ANGPT1: variants seen among roughly 807,000 people sequenced by gnomAD.
ANGPT1 encodes angiopoietin 1, also known as angiopoietin-1.
ANGPT1 carries 17 observed loss-of-function variants against 62.2 expected under a neutral mutation model. The ratio of observed to expected loss-of-function variants is 0.27; its 90% confidence interval spans 0.19 to 0.41. The LOEUF is 0.41. Ranked by LOEUF, ANGPT1 falls within the 10% of genes least tolerant of loss-of-function variation. The pLI is 1.00. For missense variants in ANGPT1, 478 were observed against 594.9 expected, an observed-to-expected ratio of 0.80 and a Z score of 2.04; for synonymous variants, 199 against 198.9, an observed-to-expected ratio of 1.00 and a Z score of 0.00.
chr8:107,484,397 C>T (rs754884162), intron 1 of ANGPT1, among the ~76,000 whole-genome samples: 7 of 151,918 alleles, frequency 4.6e-5, no homozygotes, highest in African/African-American at 4.8e-5. Context: ...TTTAAAAAAT[C>T]ATTATTTTTT....
chr8:107,306,439 T>C lies in ANGPT1; in HGVS notation c.809-3072A>G, dbSNP rs184198779. On this transcript the variant is annotated intron_variant, in intron 4 of 8. Transcript: ENST00000517746. ...CTAAATAGTTAAGATTTAAAGATTATTTCAGATGAAATTATAAACGATTTA... is the reference window on the plus strand; with the variant it reads ...CTAAATAGTTAAGATTTAAAGATTACTTCAGATGAAATTATAAACGATTTA... Among the ~76,000 whole-genome samples, 14 of 152,260 alleles carry C rather than the reference T, an allele frequency of 9.2e-5. No homozygotes were observed. The South Asian group carries it at 2.3e-3, about 25-fold the overall frequency.
At chr8:107,398,242 T>C (rs1328939991) in intron 1 of ANGPT1, among the ~76,000 whole-genome samples, 2 of 152,218 alleles carry the variant, frequency 1.3e-5, no homozygotes, top group Non-Finnish European at 2.9e-5. Context: ...TTGAAAATTG[T>C]AAGTTTTAGA....
chr8:107,437,739 A>C (rs1196207700), intron 1 of ANGPT1, among the ~76,000 whole-genome samples: 1 of 152,202 alleles, frequency 6.6e-6, no homozygotes, highest in Non-Finnish European at 1.5e-5. Flanking sequence ...ACAACTCATC[A>C]GGAATCATAG....
chr8:107,384,829 T>C (rs2130285200), intron 1 of ANGPT1, among the ~76,000 whole-genome samples: 1 of 152,256 alleles, frequency 6.6e-6, no homozygotes, highest in Non-Finnish European at 1.5e-5. Context: ...GTTTCAATCT[T>C]CTACATATGG....
At chr8:107,405,184 A>G (rs997427248) in intron 1 of ANGPT1, among the ~76,000 whole-genome samples, 4 of 151,946 alleles carry the variant, frequency 2.6e-5, no homozygotes, top group Non-Finnish European at 5.9e-5. Context: ...ATTCTATTAT[A>G]TGCAATTATA....
chr8:107,287,225 C>G (rs1814162807), intron 6 of ANGPT1, among the ~76,000 whole-genome samples: 1 of 152,126 alleles, frequency 6.6e-6, no homozygotes, highest in Admixed American at 6.5e-5. Flanking sequence ...ATAAAACTCT[C>G]CAACTTCCCC....
chr8:107,410,268 C>T (rs149281956), intron 1 of ANGPT1, among the ~76,000 whole-genome samples: 158 of 152,322 alleles, frequency 1.0e-3, no homozygotes, highest in African/African-American at 3.5e-3. Flanking sequence ...AACCTTTTAA[C>T]GCTCTAACCC....
At position 107,476,375 on chromosome 8, in the gene ANGPT1, A is replaced by G. The variant is rs184275034; in HGVS notation, c.297+20887T>C. Among the ~76,000 whole-genome samples, 353 of 152,266 alleles carry G rather than the reference A, an allele frequency of 2.3e-3. 1 individual carries two copies. Among genetic ancestry groups the G allele is most frequent in the African/African-American group, 8.2e-3 (342 of 41,534 alleles). On this transcript the variant is annotated intron_variant, in intron 1 of 8. Transcript: ENST00000517746. ...CCGCATATTCTCACTCATAGGTGGGAAATGAACAATGAGAACACTTGGGCA... is the reference window on the plus strand; with the variant it reads ...CCGCATATTCTCACTCATAGGTGGGGAATGAACAATGAGAACACTTGGGCA...
At chr8:107,335,790 T>C (rs1815544135) in intron 3 of ANGPT1, among the ~76,000 whole-genome samples, 2 of 152,218 alleles carry the variant, frequency 1.3e-5, no homozygotes, top group East Asian at 1.9e-4. Context: ...AGAGGCTCTA[T>C]TCTCTGTTGT....
chr8:107,419,781 A>G (rs1460822201), intron 1 of ANGPT1, among the ~76,000 whole-genome samples: 1 of 152,280 alleles, frequency 6.6e-6, no homozygotes, highest in East Asian at 1.9e-4. Context: ...GCTTTGGGTT[A>G]TCTCAAAGCT....
At chr8:107,472,647 C>T (rs1812394496) in intron 1 of ANGPT1, among the ~76,000 whole-genome samples, 1 of 151,870 alleles carries the variant, frequency 6.6e-6, no homozygotes, top group South Asian at 2.1e-4. Context: ...ACTATAGGAA[C>T]CTTAGGAGGA....
chr8:107,474,465 C>G (rs1250451946), intron 1 of ANGPT1, among the ~76,000 whole-genome samples: 1 of 152,072 alleles, frequency 6.6e-6, no homozygotes, highest in Admixed American at 6.6e-5. Flanking sequence ...ATGACAAACC[C>G]ACAGCCAATA....
chr8:107,493,426 T>C lies in ANGPT1; in HGVS notation c.297+3836A>G, dbSNP rs192921171. ...TTAAAGAATAATTAAGAAGATGAAT[T>C]GGAGTGACTAGAGAAGTTTTTGAGA... On this transcript the variant is annotated intron_variant, in intron 1 of 8. Transcript: ENST00000517746. 4.0e-5 allele frequency among the ~76,000 whole-genome samples: 6 copies of C among 150,390 alleles called. 1 individual carries two copies. The highest frequency in any genetic ancestry group is 7.4e-5 in the Non-Finnish European group (5 of 67,696).
At position 107,293,040 on chromosome 8, in the gene ANGPT1, C is replaced by T. The variant is rs1814316772; in HGVS notation, c.1038+896G>A. ...TTTTAATAGTTAATATTGTAGGCAC[C>T]GACTATGTGATTACTGGATTTTGGA... On this transcript the variant is annotated intron_variant, in intron 6 of 8. Coordinates refer to ENST00000517746, the MANE Select transcript of ANGPT1 (RefSeq NM_001146.5). Among the ~76,000 whole-genome samples, 3 of 152,040 alleles carry T rather than the reference C, an allele frequency of 2.0e-5. 1 individual carries two copies. Among genetic ancestry groups the T allele is most frequent in the Admixed American group, 1.3e-4 (2 of 15,272 alleles).
rs183047189 is a variant in ANGPT1 at position 107,478,971 on chromosome 8, T to A, written c.297+18291A>T. ...CACACAACATCTGGTGGGCATCTTC[T>A]CTTTTTAAAACGTGATTTTAACAGT... On this transcript the variant is annotated intron_variant, in intron 1 of 8. Coordinates refer to ENST00000517746, the MANE Select transcript of ANGPT1 (RefSeq NM_001146.5). Among the ~76,000 whole-genome samples, 518 of 152,274 alleles carry A rather than the reference T, an allele frequency of 3.4e-3. 1 individual carries two copies. The highest frequency in any genetic ancestry group is 5.5e-3 in the Non-Finnish European group (371 of 68,024).
intron 4 of ANGPT1, among the ~76,000 whole-genome samples, chr8:107,310,990 T>G (rs1814844960): frequency 6.6e-6 from 1 of 150,938 alleles, no homozygotes; most frequent in South Asian, 2.1e-4. Context: ...TGAGTGTGTG[T>G]GTATGTGTGT....
chr8:107,426,422 C>T (rs1475186386), intron 1 of ANGPT1, among the ~76,000 whole-genome samples: 1 of 152,176 alleles, frequency 6.6e-6, no homozygotes, highest in Non-Finnish European at 1.5e-5. Context: ...CACTAAGTTA[C>T]AGTGTCAAGA....
intron 7 of ANGPT1, among the ~76,000 whole-genome samples, chr8:107,267,534 C>T (rs898845260): frequency 1.3e-4 from 20 of 152,082 alleles, no homozygotes; most frequent in African/African-American, 4.6e-4. Flanking sequence ...AGTTTCTAGT[C>T]TTGGCAGTTC....
At chr8:107,319,576 G>T (rs1815103572) in intron 4 of ANGPT1, among the ~76,000 whole-genome samples, 3 of 151,196 alleles carry the variant, frequency 2.0e-5, no homozygotes, top group Non-Finnish European at 4.4e-5. Flanking sequence ...AAATTTATAT[G>T]ATATATAAAT....
Sources: allele counts gnomAD v4.1 joint callset (sites outside exome capture counted in the v4.1 genomes callset), GRCh38; gene constraint gnomAD v4.1.1; transcripts MANE v1.5; gene names NCBI Gene and HGNC (gene_info 2026-07-23, HGNC 2026-07-21).